Variants in DIP2C observed in about 807,000 individuals in gnomAD.
DIP2C encodes disco-interacting protein 2 homolog C.
Under a neutral mutation model 192.4 loss-of-function variants are expected in DIP2C, and 33 were observed. The observed-to-expected ratio is 0.17, with a 90% confidence interval of 0.13 to 0.23. DIP2C has a LOEUF of 0.23. DIP2C is among the 10% of genes least tolerant of loss of function. DIP2C has a pLI of 1.00. For synonymous variants in DIP2C, 979 were observed against 864.1 expected (o/e 1.13, Z -2.33); for missense variants, 1,537 against 2,110.1 (o/e 0.73, Z 5.32).
At chr10:431,712 CAATG>C (rs2133219578) in intron 4 of DIP2C, among the ~76,000 whole-genome samples, 1 of 152,320 alleles carries the variant, frequency 6.6e-6, no homozygotes, top group East Asian at 1.9e-4. Context: ...TTTCTCTTCC[CAATG>C]AATATGTATT....
chr10:282,449 G>A (rs972504657), intron 35 of DIP2C, among the ~76,000 whole-genome samples: 1 of 152,320 alleles, frequency 6.6e-6, no homozygotes, highest in South Asian at 2.1e-4. Context: ...AGGTATGTTA[G>A]AGAGGTATGT....
chr10:612,209 C>T (rs1045560799), intron 1 of DIP2C, among the ~76,000 whole-genome samples: 1 of 151,800 alleles, frequency 6.6e-6, no homozygotes, highest in Admixed American at 6.6e-5. Flanking sequence ...AGGAGAATGG[C>T]GTGAACCCAG....
chr10:641,553 CG>C (rs1464691131), intron 1 of DIP2C: 3 of 153,892 alleles, frequency 1.9e-5, no homozygotes, highest in African/African-American at 7.2e-5. Context: ...GAAAGGAACC[CG>C]GGTGTCAGCT....
chr10:588,597 C>T (rs1851224587), intron 1 of DIP2C, among the ~76,000 whole-genome samples: 1 of 152,222 alleles, frequency 6.6e-6, no homozygotes, highest in Admixed American at 6.5e-5. Context: ...GCAGAGGTCC[C>T]AGGAGGCAAG....
chr10:577,478 G>A (rs573342032), intron 1 of DIP2C, among the ~76,000 whole-genome samples: 21 of 152,292 alleles, frequency 1.4e-4, no homozygotes, highest in African/African-American at 4.1e-4. Context: ...CTATGAAGGT[G>A]GTAAGAGCTT....
chr10:359,169 C>T (rs186436798), intron 22 of DIP2C, among the ~76,000 whole-genome samples: 27 of 152,238 alleles, frequency 1.8e-4, no homozygotes, highest in African/African-American at 6.3e-4. Context: ...CAACCGATGT[C>T]CCTCGGCTTC....
chr10:422,324 C>T (rs773426559), intron 5 of DIP2C, among the ~76,000 whole-genome samples: 6 of 152,142 alleles, frequency 3.9e-5, no homozygotes, highest in African/African-American at 1.2e-4. Flanking sequence ...CATGTTCAAA[C>T]GTCATAGGGC....
chr10:610,260 G>A (rs373735191), intron 1 of DIP2C, among the ~76,000 whole-genome samples: 3 of 152,192 alleles, frequency 2.0e-5, no homozygotes, highest in East Asian at 3.9e-4. Context: ...GGAGCTGACA[G>A]CAGATGTCAT....
At chr10:359,875 C>T (rs1959234744) in intron 22 of DIP2C, among the ~76,000 whole-genome samples, 1 of 152,200 alleles carries the variant, frequency 6.6e-6, no homozygotes, top group Non-Finnish European at 1.5e-5. Context: ...CCCATCCTGG[C>T]CTCCCGCATT....
At chr10:364,956 C>T (rs1035344953) in intron 19 of DIP2C, 6 of 534,004 alleles carry the variant, frequency 1.1e-5, no homozygotes, top group East Asian at 5.1e-5. Flanking sequence ...TTTTAAACAA[C>T]GTCTGTTAGT....
intron 31 of DIP2C, among the ~76,000 whole-genome samples, chr10:323,429 TCAGTCGGGGGTGCGGGGCTCCAGC>T (rs1564554297): frequency 0.068 from 7,707 of 113,004 alleles, 2,123 homozygotes; most frequent in South Asian, 0.1. Flanking sequence ...GTTAGAACAG[TCAGTCGGGGGTGCGGGGCTCCAGC>T]GAGAGACCAG....
At chr10:433,040 G>GTA (rs1484862343) in intron 4 of DIP2C, among the ~76,000 whole-genome samples, 3 of 152,082 alleles carry the variant, frequency 2.0e-5, no homozygotes, top group African/African-American at 7.2e-5. Context: ...CCAAAACGTG[G>GTA]TATATCATGG....
At chr10:349,310 A>G in intron 25 of DIP2C, 21 bp downstream of exon 25, 2 of 1,592,112 alleles carry the variant, frequency 1.3e-6, no homozygotes, top group Non-Finnish European at 8.5e-7. Flanking sequence ...CTCTCAGGGG[A>G]AGCCCACCCT....
chr10:360,569 A>T (rs1959351627), intron 22 of DIP2C, among the ~76,000 whole-genome samples: 1 of 152,184 alleles, frequency 6.6e-6, no homozygotes, highest in Non-Finnish European at 1.5e-5. Flanking sequence ...AGACACACAA[A>T]TCCCAAGTGG....
chr10:292,078 C>A (rs1361214166), intron 32 of DIP2C, among the ~76,000 whole-genome samples: 3 of 152,272 alleles, frequency 2.0e-5, no homozygotes, highest in Non-Finnish European at 4.4e-5. Context: ...CAGAGCTCAC[C>A]TTCTGTGAGA....
At chr10:609,810 T>A (rs1852946583) in intron 1 of DIP2C, among the ~76,000 whole-genome samples, 1 of 152,148 alleles carries the variant, frequency 6.6e-6, no homozygotes, top group Non-Finnish European at 1.5e-5. Flanking sequence ...TGTGAGGCAA[T>A]GTCCAGGGTC....
At position 625,324 on chromosome 10, in the gene DIP2C, A is replaced by G. The variant is rs898703320; in HGVS notation, c.85+64170T>C. Among the ~76,000 whole-genome samples the G allele has an allele frequency of 7.2e-5, 11 of 152,110 alleles. No homozygotes were observed. The East Asian group carries it at 1.4e-3, about 19-fold the overall frequency. On this transcript the variant is annotated intron_variant, in intron 1 of 36. Coordinates refer to ENST00000280886, the MANE Select transcript of DIP2C (RefSeq NM_014974.3). Reference sequence around the variant, plus strand: ...AGCCAGCACAGTAGCTTCAGTGCAGAAAAAAAATCACAAAAACTCAAATAC... The same window carrying G: ...AGCCAGCACAGTAGCTTCAGTGCAGGAAAAAAATCACAAAAACTCAAATAC...
chr10:576,108 T>C (rs1313622675), intron 1 of DIP2C, among the ~76,000 whole-genome samples: 1 of 152,212 alleles, frequency 6.6e-6, no homozygotes, highest in Non-Finnish European at 1.5e-5. Context: ...CTGTACGGGT[T>C]TGCTGACCAA....
intron 16 of DIP2C, among the ~76,000 whole-genome samples, 194 bp downstream of exon 16, chr10:383,833 G>C (rs889627244): frequency 6.6e-6 from 1 of 152,024 alleles, no homozygotes; most frequent in Non-Finnish European, 1.5e-5. Context: ...TGGCCCGAGT[G>C]AGTGATTACT....
Sources: allele counts gnomAD v4.1 joint callset (sites outside exome capture counted in the v4.1 genomes callset), GRCh38; gene constraint gnomAD v4.1.1; transcripts MANE v1.5; gene names NCBI Gene and HGNC (gene_info 2026-07-23, HGNC 2026-07-21).